TMEM164: variants seen among roughly 807,000 people sequenced by gnomAD.
The protein encoded by TMEM164 is RP13-360B22.2.
Under a neutral mutation model 18.8 loss-of-function variants are expected in TMEM164, and 4 were observed. That is an observed-to-expected ratio of 0.21 (90% CI 0.10 to 0.49). The LOEUF (loss-of-function observed/expected upper bound fraction) is 0.49. Among genes scored for constraint, TMEM164 ranks in the 20% least tolerant of loss-of-function variants. The pLI is 0.98. For missense variants in TMEM164, 108 were observed against 239.9 expected (o/e 0.45, Z 3.63); for synonymous variants, 86 against 101.7 (o/e 0.85, Z 0.93).
At chrX:110,101,400 T>G (rs2147950484) in intron 3 of TMEM164, among the ~76,000 whole-genome samples, 1 of 111,283 alleles carries the variant, frequency 9.0e-6, no homozygotes, top group South Asian at 3.8e-4. Context: ...AGTGGTCAAA[T>G]TTATGTGCAT....
At chrX:110,072,855 G>T (rs758921575) in intron 3 of TMEM164, among the ~76,000 whole-genome samples, 36 of 101,986 alleles carry the variant, frequency 3.5e-4, no homozygotes, top group African/African-American at 1.2e-3. Context: ...TTTTCTTCTA[G>T]ATCCAAGGGT....
At chrX:110,064,384 A>C (rs965343506) in intron 2 of TMEM164, among the ~76,000 whole-genome samples, 2 of 112,249 alleles carry the variant, frequency 1.8e-5, no homozygotes, top group Non-Finnish European at 3.8e-5. Context: ...CAAGCAAAGA[A>C]GAAAGCAAGG....
chrX:110,163,690 G>C (rs2067123017), intron 5 of TMEM164, among the ~76,000 whole-genome samples: 1 of 112,348 alleles, frequency 8.9e-6, no homozygotes, highest in Non-Finnish European at 1.9e-5. Flanking sequence ...ATACACTAAT[G>C]GACTTAATCC....
chrX:110,014,001 T>C (rs1053239074), intron 2 of TMEM164, among the ~76,000 whole-genome samples: 3 of 111,977 alleles, frequency 2.7e-5, no homozygotes, highest in African/African-American at 9.8e-5. Context: ...TCTCTGAGCC[T>C]GTGTTCCCAC....
chrX:110,064,576 A>G (rs1330973393), intron 2 of TMEM164, among the ~76,000 whole-genome samples: 1 of 111,676 alleles, frequency 9.0e-6, no homozygotes, highest in Non-Finnish European at 1.9e-5. Flanking sequence ...CAATATGAAT[A>G]ATCAGGAATC....
intron 4 of TMEM164, among the ~76,000 whole-genome samples, chrX:110,128,698 A>G (rs1398249700): frequency 2.7e-5 from 3 of 111,657 alleles, no homozygotes; most frequent in Non-Finnish European, 3.8e-5. Context: ...CTTATCTCTT[A>G]ATCTTTCTTT....
chrX:110,139,361 T>G (rs2066736393), intron 4 of TMEM164, among the ~76,000 whole-genome samples: 1 of 111,151 alleles, frequency 9.0e-6, no homozygotes, highest in Middle Eastern at 4.7e-3. Context: ...TGGGAGCTTA[T>G]GCATGTTATC....
chrX:110,004,593 G>A (rs1022012724), intron 2 of TMEM164, among the ~76,000 whole-genome samples: 2 of 111,279 alleles, frequency 1.8e-5, no homozygotes, highest in Admixed American at 9.4e-5. Flanking sequence ...GGAGGTGGTC[G>A]CATAAACTTT....
intron 2 of TMEM164, among the ~76,000 whole-genome samples, chrX:110,012,419 G>A (rs1933058707): frequency 8.9e-6 from 1 of 112,190 alleles, no homozygotes; most frequent in South Asian, 3.7e-4. Flanking sequence ...TGAGTGGACA[G>A]ACTCCACTGG....
At chrX:110,169,146 G>A (rs979624701) in intron 5 of TMEM164, among the ~76,000 whole-genome samples, 1 of 111,859 alleles carries the variant, frequency 8.9e-6, no homozygotes, top group African/African-American at 3.3e-5. Flanking sequence ...ACAGGCAGCC[G>A]CCAAAGACCC....
intron 2 of TMEM164, among the ~76,000 whole-genome samples, chrX:110,016,166 A>G (rs1933355717): frequency 8.9e-6 from 1 of 112,555 alleles, no homozygotes; most frequent in African/African-American, 3.2e-5. Context: ...CATCTTCCCA[A>G]ATGTCTTACT....
intron 2 of TMEM164, among the ~76,000 whole-genome samples, chrX:110,013,111 G>T (rs1267507794): frequency 8.9e-6 from 1 of 111,914 alleles, no homozygotes; most frequent in African/African-American, 3.3e-5. Flanking sequence ...CCTAATTCTA[G>T]CCCAGTGCCT....
Position 110,019,515 on chromosome X carries a change from C to T in TMEM164, c.390+15351C>T, listed in dbSNP as rs181372995. Among the ~76,000 whole-genome samples the T allele has an allele frequency of 2.1e-3, 234 of 111,907 alleles. 1 individual carries two copies. The highest frequency in any genetic ancestry group is 3.4e-3 in the Non-Finnish European group (181 of 53,144). On this transcript the variant is annotated intron_variant, in intron 2 of 6. Transcript: ENST00000372068. The stretch of plus-strand genomic sequence containing the variant: ...TCTATCTACTACTCGACCCTTTACA[C>T]TACTGCCAGAATGATACAAGTAAAA...
chrX:110,130,319 G>T (rs920217692), intron 4 of TMEM164, among the ~76,000 whole-genome samples: 1 of 111,856 alleles, frequency 8.9e-6, no homozygotes, highest in African/African-American at 3.3e-5. Context: ...CATGGACTCT[G>T]AAGTCAGACT....
At chrX:110,159,283 G>C (rs1413503824) in intron 5 of TMEM164, among the ~76,000 whole-genome samples, 3 of 111,078 alleles carry the variant, frequency 2.7e-5, no homozygotes, top group Non-Finnish European at 5.7e-5. Flanking sequence ...TGGAAGAAAG[G>C]CTAGAAGAGA....
chrX:110,108,254 T>C (rs1285563094), intron 3 of TMEM164, among the ~76,000 whole-genome samples: 2 of 110,310 alleles, frequency 1.8e-5, no homozygotes, highest in East Asian at 2.9e-4. Context: ...TTTTCATCTC[T>C]CTTAGTAGTA....
intron 2 of TMEM164, among the ~76,000 whole-genome samples, chrX:110,041,614 A>G (rs1198776731): frequency 1.8e-5 from 2 of 111,866 alleles, no homozygotes; most frequent in East Asian, 5.6e-4. Flanking sequence ...GCAACTGAAT[A>G]TTTCTAAATG....
intron 4 of TMEM164, among the ~76,000 whole-genome samples, chrX:110,132,229 A>G (rs1178064362): frequency 8.9e-6 from 1 of 112,063 alleles, no homozygotes; most frequent in Non-Finnish European, 1.9e-5. Flanking sequence ...GACTCATTTC[A>G]TGCTGCACCA....
At chrX:110,078,109 G>A (rs2065699656) in intron 3 of TMEM164, among the ~76,000 whole-genome samples, 1 of 111,662 alleles carries the variant, frequency 9.0e-6, no homozygotes, top group Admixed American at 9.5e-5. Context: ...TCTTAGGTTT[G>A]GTCTTATTAC....
Sources: allele counts gnomAD v4.1 joint callset (sites outside exome capture counted in the v4.1 genomes callset), GRCh38; gene constraint gnomAD v4.1.1; transcripts MANE v1.5; gene names NCBI Gene and HGNC (gene_info 2026-07-23, HGNC 2026-07-21).